Variants in CCDC191 observed in about 807,000 individuals in gnomAD.
CCDC191 encodes coiled-coil domain containing 191, also known as coiled-coil domain-containing protein 191.
Under a neutral mutation model 114.0 loss-of-function variants are expected in CCDC191, and 99 were observed. The ratio of observed to expected loss-of-function variants is 0.87; its 90% confidence interval spans 0.74 to 1.03. The LOEUF (loss-of-function observed/expected upper bound fraction) is 1.03. Ranked by LOEUF, CCDC191 falls within the 50% of genes least tolerant of loss-of-function variation. The probability of loss-of-function intolerance (pLI) is 0.00; values close to 1 mark genes in which losing one functional copy is unlikely to be tolerated. For synonymous variants in CCDC191, 351 were observed against 376.0 expected (o/e 0.93, Z 0.77); for missense variants, 973 against 1,087.0 (o/e 0.90, Z 1.47).
At chr3:114,042,657 A>C in intron 4 of CCDC191, 46 bp downstream of exon 4, 1 of 1,434,036 alleles carries the variant, frequency 7.0e-7, no homozygotes, top group Non-Finnish European at 9.3e-7. Flanking sequence ...CTTCTTAGAC[A>C]CATTCATTAG....
At chr3:113,989,930 TGA>T (rs1359752329) in intron 13 of CCDC191, among the ~76,000 whole-genome samples, 3 of 152,122 alleles carry the variant, frequency 2.0e-5, no homozygotes, top group African/African-American at 7.2e-5. Context: ...GAGGTTATAG[TGA>T]GCTGTGATCA....
In CCDC191 at chr3:114,042,756, C is replaced by A. The variant is rs779081372; in HGVS notation, c.362G>T (p.Ser121Ile). The A allele has an allele frequency of 3.7e-6, 6 of 1,600,442 alleles. No homozygotes were observed. In the East Asian group the frequency reaches 1.4e-4, roughly 36 times the overall value. The change falls in exon 4 of 17, where the codon AGT becomes ATT. Residue 121 changes from serine (S) to isoleucine (I), a missense_variant. Transcript: ENST00000295878. ...ATTGGCTTCCGGCATAATAGTGACA[C>A]TTGACACAGTGTTTTTAGCATCACC... ...EEGDAKNTVSSVTIMPEANGH... is the reference protein window; with the variant it reads ...EEGDAKNTVSIVTIMPEANGH...
chr3:114,021,505 TC>T (rs1264684079), intron 7 of CCDC191, among the ~76,000 whole-genome samples: 1 of 152,124 alleles, frequency 6.6e-6, no homozygotes, highest in Non-Finnish European at 1.5e-5. Context: ...TATTCTTGAT[TC>T]ATAGCAAACA....
chr3:114,037,274 G>T (rs2107737866), intron 4 of CCDC191, among the ~76,000 whole-genome samples: 1 of 152,280 alleles, frequency 6.6e-6, no homozygotes, highest in Admixed American at 6.5e-5. Context: ...TCCTCATGCT[G>T]ATTTGTAAAC....
intron 9 of CCDC191, among the ~76,000 whole-genome samples, chr3:114,006,801 T>C (rs2075979516): frequency 6.6e-6 from 1 of 151,906 alleles, no homozygotes; most frequent in African/African-American, 2.4e-5. Context: ...CTCCTGACAC[T>C]AGTAAATTAA....
chr3:113,967,645 C>A lies in CCDC191; in HGVS notation c.2607-2286G>T, dbSNP rs898560779. Among the ~76,000 whole-genome samples the A allele has an allele frequency of 2.6e-4, 39 of 152,106 alleles. 1 individual carries two copies. Among genetic ancestry groups the A allele is most frequent in the Admixed American group, 2.0e-3 (30 of 15,260 alleles). On this transcript the variant is annotated intron_variant, in intron 16 of 16. Coordinates refer to ENST00000295878, the MANE Select transcript of CCDC191 (RefSeq NM_020817.2). ...ATCTTTTATTTACCATGGGGACATT[C>A]AAGTTATTCTCTTCTGGTTATTTTG... is the stretch of plus-strand genomic sequence containing the variant.
At chr3:114,021,615 T>A (rs2076245505) in intron 7 of CCDC191, among the ~76,000 whole-genome samples, 1 of 152,170 alleles carries the variant, frequency 6.6e-6, no homozygotes, top group African/African-American at 2.4e-5. Context: ...TTGCTAGTTC[T>A]GTTTTTATTT....
chr3:114,029,882 A>G (rs1281604653), intron 7 of CCDC191, among the ~76,000 whole-genome samples: 1 of 152,196 alleles, frequency 6.6e-6, no homozygotes, highest in Non-Finnish European at 1.5e-5. Flanking sequence ...AAAGACACGG[A>G]AAGACTAAAG....
intron 8 of CCDC191, among the ~76,000 whole-genome samples, chr3:114,017,883 C>A (rs1399279936): frequency 2.0e-5 from 3 of 152,122 alleles, no homozygotes; most frequent in Non-Finnish European, 4.4e-5. Context: ...AACAAACAAC[C>A]AAATGGTTCC....
At chr3:114,044,833 T>G (rs2076607898) in intron 3 of CCDC191, among the ~76,000 whole-genome samples, 1 of 152,206 alleles carries the variant, frequency 6.6e-6, no homozygotes, top group African/African-American at 2.4e-5. Flanking sequence ...AGAAATACCT[T>G]GTGTTAGACC....
chr3:113,993,036 C>T (rs1260727593), intron 13 of CCDC191, among the ~76,000 whole-genome samples: 3 of 152,144 alleles, frequency 2.0e-5, no homozygotes, highest in Non-Finnish European at 4.4e-5. Flanking sequence ...ACCATATTAA[C>T]AGAATGAAGG....
intron 16 of CCDC191, among the ~76,000 whole-genome samples, chr3:113,969,437 G>A (rs1225117669): frequency 6.6e-6 from 1 of 152,148 alleles, no homozygotes; most frequent in Admixed American, 6.5e-5. Context: ...CCAGTGGCCT[G>A]GAGCATTGTC....
At chr3:114,032,589 C>T (rs779878971) in intron 6 of CCDC191, among the ~76,000 whole-genome samples, 9 of 152,172 alleles carry the variant, frequency 5.9e-5, no homozygotes, top group Non-Finnish European at 1.2e-4. Flanking sequence ...GTCACCTGAT[C>T]TTTCTTGAAC....
chr3:114,035,632 T>G (rs1476199206), intron 5 of CCDC191, among the ~76,000 whole-genome samples: 1 of 152,174 alleles, frequency 6.6e-6, no homozygotes, highest in Non-Finnish European at 1.5e-5. Context: ...TATGTAAATA[T>G]AGCAGTGATT....
chr3:113,982,924 C>T (rs772547671), intron 13 of CCDC191, among the ~76,000 whole-genome samples: 8 of 151,890 alleles, frequency 5.3e-5, no homozygotes, highest in Admixed American at 2.6e-4. Flanking sequence ...AGTATAGATG[C>T]GGATCTCTTT....
rs1030850613 is a variant in CCDC191, at chr3:114,038,849, G to A, written c.416-2063C>T. Among the ~76,000 whole-genome samples, 7 of 152,104 alleles carry A rather than the reference G, an allele frequency of 4.6e-5. No individual in the cohort carries two copies. In the East Asian group the frequency reaches 7.7e-4, roughly 17 times the overall value. ...CTGAATGATGAGAACACATGGACAC[G>A]TTGGGAAGAACAACACACACTGAGG... On this transcript the variant is annotated intron_variant, in intron 4 of 16. Coordinates refer to ENST00000295878, the MANE Select transcript of CCDC191 (RefSeq NM_020817.2).
chr3:113,998,161 C>T (rs2075771414), intron 13 of CCDC191, among the ~76,000 whole-genome samples: 1 of 151,722 alleles, frequency 6.6e-6, no homozygotes, highest in Admixed American at 6.6e-5. Context: ...CAAAAATTAG[C>T]CAGGCGTGGT....
chr3:114,046,510 C>T, intron 3 of CCDC191, 81 bp downstream of exon 3: 1 of 892,708 alleles, frequency 1.1e-6, no homozygotes, highest in South Asian at 1.4e-5. Context: ...AGTAAGAAAA[C>T]TTCCATTCTC....
intron 11 of CCDC191, 46 bp from the exon 12 acceptor site, chr3:114,002,584 T>C (rs2107659598): frequency 6.8e-7 from 1 of 1,466,708 alleles, no homozygotes; most frequent in East Asian, 2.4e-5. Flanking sequence ...ATTGAAAAAA[T>C]ATGAGGAATA....
Sources: gnomAD v4.1 joint callset for allele counts (sites outside exome capture counted in the v4.1 genomes callset) on GRCh38, gnomAD v4.1.1 for gene constraint, MANE v1.5 for transcripts, NCBI Gene and HGNC (gene_info 2026-07-23, HGNC 2026-07-21) for gene names.